USP15: variants seen among roughly 807,000 people sequenced by gnomAD.
USP15 encodes ubiquitin carboxyl-terminal hydrolase 15.
In USP15, 18 loss-of-function variants were observed where a neutral mutation model predicts 127.1. The observed-to-expected ratio is 0.14, with a 90% CI of 0.10 to 0.21. The LOEUF (loss-of-function observed/expected upper bound fraction) is 0.21, where lower values mean the gene tolerates loss of function less well. Among genes scored for constraint, USP15 ranks in the 10% least tolerant of loss-of-function variants. USP15 has a pLI of 1.00. For missense variants in USP15, 805 were observed against 1,159.9 expected, an observed-to-expected ratio of 0.69 and a Z score of 4.44; for synonymous variants, 364 against 393.7, an observed-to-expected ratio of 0.92 and a Z score of 0.89.
chr12:62,282,778 C>A (rs1235639756), intron 1 of USP15, among the ~76,000 whole-genome samples: 1 of 152,040 alleles, frequency 6.6e-6, no homozygotes, highest in Non-Finnish European at 1.5e-5. Flanking sequence ...TGACAGTTAA[C>A]CCGCAGAAAG....
chr12:62,269,778 C>T (rs1395114772), intron 1 of USP15, among the ~76,000 whole-genome samples: 3 of 152,128 alleles, frequency 2.0e-5, no homozygotes, highest in African/African-American at 7.2e-5. Flanking sequence ...GACCATATTC[C>T]ATTGTATAGA....
Position 62,407,626 on chromosome 12 carries a change from A to T in USP15, c.*3251A>T, listed in dbSNP as rs1349004786. On this transcript the variant is annotated 3_prime_UTR_variant, in exon 22 of 22. Coordinates refer to ENST00000280377, the MANE Select transcript of USP15 (RefSeq NM_001252078.2). ...CAATTTTAATTAAATGGTAAATACA[A>T]TGTGACATTTTTTTCTTACCTTTTC... The T allele has an allele frequency of 6.6e-6, 1 of 152,172 alleles. No homozygotes were observed. The highest frequency in any genetic ancestry group is 2.4e-5 in the African/African-American group (1 of 41,450). The allele number at this position is 152,172 out of a possible 1,614,324, so 9.4% of individuals were successfully genotyped here. A position where few individuals can be genotyped will look rare whatever the true frequency, so the allele number is the denominator to read the frequency against.
At chr12:62,397,018 C>A (rs776648747) in intron 20 of USP15, among the ~76,000 whole-genome samples, 2 of 152,026 alleles carry the variant, frequency 1.3e-5, no homozygotes, top group Non-Finnish European at 2.9e-5. Context: ...CAGATTGCCC[C>A]CCACCCCCCA....
chr12:62,268,908 T>G (rs1310090938), intron 1 of USP15, among the ~76,000 whole-genome samples: 1 of 152,056 alleles, frequency 6.6e-6, no homozygotes, highest in Non-Finnish European at 1.5e-5. Flanking sequence ...CCCATTTCTC[T>G]CCCAAACTCC....
chr12:62,414,236 G>A lies in USP15; in HGVS notation c.*9861G>A, dbSNP rs933307063. 1 of 152,208 alleles carries A rather than the reference G, an allele frequency of 6.6e-6. No individual in the cohort carries two copies. The highest frequency in any genetic ancestry group is 6.5e-5 in the Admixed American group (1 of 15,282). The allele number at this position is 152,208 out of a possible 1,614,324, so 9.4% of individuals were successfully genotyped here. A position where few individuals can be genotyped will look rare whatever the true frequency, so the allele number is the denominator to read the frequency against. On this transcript the variant is annotated 3_prime_UTR_variant, in exon 22 of 22. Transcript: ENST00000280377. ...TTAGGAAAATAACACCTATAGATGT[G>A]CTCAATGTAGGCTTGCCACAAGCCT...
At position 62,407,884 on chromosome 12, in the gene USP15, C is replaced by A. The variant is rs190181976; in HGVS notation, c.*3509C>A. 6.6e-6 allele frequency: 1 copy of A among 152,072 alleles called. No individual in the cohort carries two copies. The highest frequency in any genetic ancestry group is 1.9e-4 in the East Asian group (1 of 5,188). The allele number at this position is 152,072 out of a possible 1,614,324, so 9.4% of individuals were successfully genotyped here. On this transcript the variant is annotated 3_prime_UTR_variant, in exon 22 of 22. Coordinates refer to ENST00000280377, the MANE Select transcript of USP15 (RefSeq NM_001252078.2). ...AGCCTTATAATTTAGTTTTAATTAA[C>A]CTCCTTGAAAAAGTTGCAGCCTGGT...
chr12:62,318,494 G>A (rs1301956997), intron 4 of USP15, among the ~76,000 whole-genome samples: 1 of 152,132 alleles, frequency 6.6e-6, no homozygotes, highest in African/African-American at 2.4e-5. Context: ...GCTGCATCTT[G>A]TTGGAGTCCT....
chr12:62,387,673 T>C (rs1407593402), intron 11 of USP15, among the ~76,000 whole-genome samples: 5 of 151,668 alleles, frequency 3.3e-5, no homozygotes, highest in Non-Finnish European at 4.4e-5. Flanking sequence ...AGCAAGAGGG[T>C]TGAGAAGTAA....
chr12:62,342,626 CTTGT>C (rs1461695907), intron 6 of USP15, among the ~76,000 whole-genome samples: 4 of 151,972 alleles, frequency 2.6e-5, no homozygotes, highest in African/African-American at 7.2e-5. Flanking sequence ...TTGCTTTCTG[CTTGT>C]TTGTTTTTCT....
chr12:62,272,418 T>C (rs1053987809), intron 1 of USP15, among the ~76,000 whole-genome samples: 1 of 151,984 alleles, frequency 6.6e-6, no homozygotes, highest in Non-Finnish European at 1.5e-5. Context: ...GCAGGAACAT[T>C]TATCTGAAAA....
In USP15 at chr12:62,348,630, G is replaced by C. The variant is rs575143367; in HGVS notation, c.684-591G>C. Among the ~76,000 whole-genome samples, 3 of 152,232 alleles carry C rather than the reference G, an allele frequency of 2.0e-5. No homozygotes were observed. In the East Asian group the frequency reaches 5.8e-4, roughly 29 times the overall value. On this transcript the variant is annotated intron_variant, in intron 6 of 21. Transcript: ENST00000280377. ...GTCATGCCTTTAATACATACTTGTT[G>C]ATTAAAAACCAATAGTAATTGCAGT...
chr12:62,346,648 A>G (rs10784292), intron 6 of USP15, among the ~76,000 whole-genome samples: 34,110 of 152,084 alleles, frequency 0.22, 4,173 homozygotes, highest in African/African-American at 0.34. Context: ...TGGTCTCCCA[A>G]TCTTCAGTCT....
chr12:62,379,056 C>G (rs535074128), intron 8 of USP15, among the ~76,000 whole-genome samples: 9 of 151,926 alleles, frequency 5.9e-5, no homozygotes, highest in Middle Eastern at 3.4e-3. Flanking sequence ...ATTAAAGTTA[C>G]AGTATATTAT....
At chr12:62,265,730 G>A (rs959605042) in intron 1 of USP15, among the ~76,000 whole-genome samples, 1 of 151,992 alleles carries the variant, frequency 6.6e-6, no homozygotes, top group African/African-American at 2.4e-5. Flanking sequence ...AAGTTTTTGT[G>A]GAGACGGGAT....
At chr12:62,364,564 T>G (rs980509108) in intron 8 of USP15, among the ~76,000 whole-genome samples, 11 of 152,272 alleles carry the variant, frequency 7.2e-5, no homozygotes, top group Non-Finnish European at 1.5e-4. Context: ...ATTTTTCTTT[T>G]TTATCATATT....
intron 8 of USP15, among the ~76,000 whole-genome samples, chr12:62,379,958 A>G (rs1302923243): frequency 2.0e-5 from 3 of 152,064 alleles, no homozygotes; most frequent in African/African-American, 7.2e-5. Context: ...TCTAAGAGGT[A>G]AAAAGTTAGG....
chr12:62,334,688 T>C (rs555686810), intron 6 of USP15, among the ~76,000 whole-genome samples: 1 of 152,338 alleles, frequency 6.6e-6, no homozygotes, highest in South Asian at 2.1e-4. Flanking sequence ...TTTTGTTTTA[T>C]GATGTTAGGT....
At chr12:62,301,155 T>C (rs1035457664) in intron 2 of USP15, among the ~76,000 whole-genome samples, 1 of 152,142 alleles carries the variant, frequency 6.6e-6, no homozygotes, top group African/African-American at 2.4e-5. Context: ...GAAATGAAGA[T>C]TAAAACCACA....
chr12:62,341,229 G>A (rs892299469), intron 6 of USP15, among the ~76,000 whole-genome samples: 6 of 150,960 alleles, frequency 4.0e-5, no homozygotes, highest in African/African-American at 1.5e-4. Flanking sequence ...CCATTTGCTT[G>A]GTAAGTACTC....
Sources: allele counts gnomAD v4.1 joint callset (sites outside exome capture counted in the v4.1 genomes callset), GRCh38; gene constraint gnomAD v4.1.1; transcripts MANE v1.5; gene names NCBI Gene and HGNC (gene_info 2026-07-23, HGNC 2026-07-21).